CDX1: variants seen among roughly 807,000 people sequenced by gnomAD.
CDX1 encodes the protein caudal type homeobox 1.
CDX1 carries 9 observed loss-of-function variants against 16.9 expected under a neutral mutation model. That is an observed-to-expected ratio of 0.53 (90% CI 0.32 to 0.93). The LOEUF is 0.93. Among genes scored for constraint, CDX1 ranks in the 40% least tolerant of loss-of-function variants. The probability of loss-of-function intolerance (pLI) is 0.04; values close to 1 mark genes in which losing one functional copy is unlikely to be tolerated. For synonymous variants in CDX1, 179 were observed against 179.0 expected (o/e 1.00, Z 0.00); for missense variants, 393 against 386.1 (o/e 1.02, Z -0.15).
rs1457913575 is a variant in CDX1, at chr5:150,166,796, A to T, written c.-81A>T. The T allele has an allele frequency of 4.0e-6, 4 of 1,006,968 alleles. No individual in the cohort carries two copies. The highest frequency in any genetic ancestry group is 1.7e-5 in the African/African-American group (1 of 57,260). The allele number at this position is 1,006,968 out of a possible 1,614,324, so 62.4% of individuals were successfully genotyped here. ...GCGCGGCGGCAGGACAGCCGAGTTC[A>T]GGTGAGCGGTTGCTCGTCGTCGGGG... On this transcript the variant is annotated 5_prime_UTR_variant, in exon 1 of 3. Coordinates refer to ENST00000231656, the MANE Select transcript of CDX1 (RefSeq NM_001804.3).
chr5:150,170,272 T>C (rs1761487148), intron 1 of CDX1, among the ~76,000 whole-genome samples: 1 of 152,126 alleles, frequency 6.6e-6, no homozygotes, highest in Non-Finnish European at 1.5e-5. Context: ...TTTCCCAAAG[T>C]GGACTCCCCA....
At position 150,167,120 on chromosome 5, in the gene CDX1, GC is replaced by G; in HGVS notation, c.248del (p.Pro83LeufsTer116). On this transcript the variant is annotated frameshift_variant, in exon 1 of 3. Coordinates refer to ENST00000231656, the MANE Select transcript of CDX1 (RefSeq NM_001804.3). LOFTEE classifies it high-confidence loss of function. ...CGCCGCCTACGGCCCGGGCCCCGCG[GC>G]CCCTGCCGCCAGCCCAGCTTCGCTG... ...WAAAYGPGPA[A>X]PAASPASLAF... is the part of the protein sequence containing the mutation. The G allele has an allele frequency of 7.5e-7, 1 of 1,334,088 alleles. No individual in the cohort carries two copies. The highest frequency in any genetic ancestry group is 2.0e-5 in the South Asian group (1 of 48,828). The allele number at this position is 1,334,088 out of a possible 1,614,324, so 82.6% of individuals were successfully genotyped here. A position where few individuals can be genotyped will look rare whatever the true frequency, so the allele number is the denominator to read the frequency against.
chr5:150,172,358 GTGCCAATAACTT>G (rs529770488), intron 1 of CDX1, among the ~76,000 whole-genome samples: 19 of 152,262 alleles, frequency 1.2e-4, no homozygotes, highest in African/African-American at 4.6e-4. Flanking sequence ...GCCAGGCACT[GTGCCAATAACTT>G]TGCATGGGTG....
chr5:150,183,411 C>A, intron 2 of CDX1, 63 bp from the exon 3 acceptor site: 1 of 1,423,392 alleles, frequency 7.0e-7, no homozygotes, highest in Non-Finnish European at 9.5e-7. Flanking sequence ...GTCTCTCCTT[C>A]TTGCACTCTC....
chr5:150,176,111 C>T lies in CDX1; in HGVS notation c.446-6657C>T, dbSNP rs752253273. Reference sequence around the variant, plus strand: ...CCCCAAACACCCAGCCTTTCCCAAACCTCAGTAGAGTGTGACGCTGCTACA... The same window carrying T: ...CCCCAAACACCCAGCCTTTCCCAAATCTCAGTAGAGTGTGACGCTGCTACA... On this transcript the variant is annotated intron_variant, in intron 1 of 2. Transcript: ENST00000231656. 4.0e-4 allele frequency among the ~76,000 whole-genome samples: 61 copies of T among 152,314 alleles called. 1 individual carries two copies. Among genetic ancestry groups the T allele is most frequent in the Non-Finnish European group, 6.5e-4 (44 of 68,030 alleles).
At position 150,182,884 on chromosome 5, in the gene CDX1, G is replaced by A; in HGVS notation, c.562G>A (p.Ala188Thr). The A allele has an allele frequency of 6.2e-7, 1 of 1,612,240 alleles. No homozygotes were observed. Among genetic ancestry groups the A allele is most frequent in the Non-Finnish European group, 8.5e-7 (1 of 1,179,136 alleles). The change falls in exon 2 of 3, where the codon GCT (alanine) becomes ACT (threonine). Residue 188 changes from alanine (A) to threonine (T), a missense_variant. Ala to Thr is a moderately conservative substitution (Grantham distance 58). Coordinates refer to ENST00000231656, the MANE Select transcript of CDX1 (RefSeq NM_001804.3). ...CACAATCCGGCGGAAATCAGAGCTG[G>A]CTGCCAATCTGGGGCTCACTGAACG... ...YITIRRKSEL[A>T]ANLGLTERQV...
intron 1 of CDX1, among the ~76,000 whole-genome samples, chr5:150,178,590 G>A (rs1207577644): frequency 1.3e-5 from 2 of 152,162 alleles, no homozygotes; most frequent in African/African-American, 4.8e-5. Context: ...GGGAGTTCCA[G>A]CCCAGAGCTG....
chr5:150,169,342 G>A (rs116733313), intron 1 of CDX1, among the ~76,000 whole-genome samples: 320 of 152,058 alleles, frequency 2.1e-3, no homozygotes, highest in African/African-American at 7.4e-3. Context: ...TCTACCCCAG[G>A]CAAAAAAGCA....
At chr5:150,167,594 C>G (rs10040224) in intron 1 of CDX1, among the ~76,000 whole-genome samples, 8,644 of 152,332 alleles carry the variant, frequency 0.057, 286 homozygotes, top group Middle Eastern at 0.11. Context: ...GGCCGCGGAG[C>G]AAGACCCGAA....
chr5:150,168,378 A>G (rs1389357373), intron 1 of CDX1, among the ~76,000 whole-genome samples: 1 of 152,230 alleles, frequency 6.6e-6, no homozygotes, highest in Admixed American at 6.5e-5. Flanking sequence ...ATCAGGAGCT[A>G]CGGGTTCTGG....
chr5:150,172,405 C>A (rs1278082525), intron 1 of CDX1, among the ~76,000 whole-genome samples: 3 of 151,950 alleles, frequency 2.0e-5, no homozygotes, highest in Non-Finnish European at 2.9e-5. Context: ...TCATGATAGC[C>A]CTGAGTGGTG....
chr5:150,182,971 C>A, intron 2 of CDX1, 58 bp downstream of exon 2: 1 of 1,538,728 alleles, frequency 6.5e-7, no homozygotes, highest in South Asian at 1.3e-5. Flanking sequence ...GGTCTCCAGG[C>A]TGCCAGGCAG....
In CDX1 at chr5:150,183,645, T is replaced by C. The variant is rs763172403; in HGVS notation, c.763T>C (p.Ser255Pro). The part of the protein sequence containing the change: ...PSNTSLLATS[S>P]PMPVKEEFLP ...CAACACCAGCCTCCTGGCCACCTCC[T>C]CTCCAATGCCTGTGAAAGAGGAGTT... Residue 255 changes from serine (S) to proline (P), a missense_variant, in exon 3 of 3, where the codon TCT (serine) becomes CCT (proline). Transcript: ENST00000231656. 12 of 1,603,476 alleles carry C rather than the reference T, an allele frequency of 7.5e-6. No individual in the cohort carries two copies. Among genetic ancestry groups the C allele is most frequent in the Middle Eastern group, 1.7e-4 (1 of 6,024 alleles).
chr5:150,183,109 C>A (rs922838308), intron 2 of CDX1, among the ~76,000 whole-genome samples, 196 bp downstream of exon 2: 3 of 152,208 alleles, frequency 2.0e-5, no homozygotes, highest in African/African-American at 7.2e-5. Flanking sequence ...CCCCCAAAGG[C>A]AGGGGTAAGG....
At chr5:150,181,092 C>T (rs1752403736) in intron 1 of CDX1, among the ~76,000 whole-genome samples, 1 of 152,140 alleles carries the variant, frequency 6.6e-6, no homozygotes, top group African/African-American at 2.4e-5. Flanking sequence ...ACCCAGAGTC[C>T]CTCCCCTTGT....
chr5:150,174,933 C>T (rs1421679747), intron 1 of CDX1, among the ~76,000 whole-genome samples: 1 of 152,140 alleles, frequency 6.6e-6, no homozygotes, highest in African/African-American at 2.4e-5. Flanking sequence ...CACGCCACCA[C>T]GCCCAGCTAA....
chr5:150,167,702 C>T (rs969638900), intron 1 of CDX1, among the ~76,000 whole-genome samples: 1 of 152,246 alleles, frequency 6.6e-6, no homozygotes, highest in African/African-American at 2.4e-5. Flanking sequence ...CAGCCCTAGG[C>T]AAAGGCGGCA....
chr5:150,179,278 A>G (rs1041484236), intron 1 of CDX1, among the ~76,000 whole-genome samples: 3 of 152,130 alleles, frequency 2.0e-5, no homozygotes, highest in Non-Finnish European at 2.9e-5. Context: ...ACCAGAGAGA[A>G]GTTGGCCAAT....
intron 1 of CDX1, among the ~76,000 whole-genome samples, chr5:150,171,224 C>T (rs1179558140): frequency 6.6e-6 from 1 of 152,242 alleles, no homozygotes; most frequent in Non-Finnish European, 1.5e-5. Context: ...CTGTACTGCT[C>T]CAGCTATCTT....
Sources: allele counts gnomAD v4.1 joint callset (sites outside exome capture counted in the v4.1 genomes callset), GRCh38; gene constraint gnomAD v4.1.1; transcripts MANE v1.5; gene names NCBI Gene and HGNC (gene_info 2026-07-23, HGNC 2026-07-21).